The following MOB3B variants were observed in gnomAD, a reference collection of about 807,000 sequenced individuals.
The protein encoded by MOB3B is MOB kinase activator-like 2B.
Under a neutral mutation model 18.7 loss-of-function variants are expected in MOB3B, and 7 were observed. The observed-to-expected ratio is 0.37, with a 90% confidence interval of 0.21 to 0.70. The LOEUF (loss-of-function observed/expected upper bound fraction) is 0.70. MOB3B is among the 30% of genes least tolerant of loss of function. The pLI, the probability that MOB3B is intolerant of heterozygous loss-of-function variation, is 0.52. For missense variants in MOB3B, 253 were observed against 281.3 expected (o/e 0.90, Z 0.72); for synonymous variants, 111 against 99.9 (o/e 1.11, Z -0.66).
At chr9:27,459,570 G>T (rs1234257617) in intron 1 of MOB3B, among the ~76,000 whole-genome samples, 2 of 152,096 alleles carry the variant, frequency 1.3e-5, no homozygotes, top group African/African-American at 4.8e-5. Flanking sequence ...TTATTGTTTT[G>T]TCAACAGATT....
At chr9:27,400,914 A>G (rs1821868548) in intron 2 of MOB3B, among the ~76,000 whole-genome samples, 2 of 152,244 alleles carry the variant, frequency 1.3e-5, no homozygotes, top group Non-Finnish European at 2.9e-5. Context: ...TCTGAGACCC[A>G]TAAGTAGGAC....
At chr9:27,374,348 C>T (rs1296636100) in intron 2 of MOB3B, among the ~76,000 whole-genome samples, 1 of 151,956 alleles carries the variant, frequency 6.6e-6, no homozygotes, top group East Asian at 1.9e-4. Context: ...AATAATATAC[C>T]CTCTACCCCT....
chr9:27,342,702 G>A (rs540774959), intron 3 of MOB3B, among the ~76,000 whole-genome samples: 21 of 152,270 alleles, frequency 1.4e-4, no homozygotes, highest in East Asian at 7.8e-4. Flanking sequence ...TCCTGACCAC[G>A]AGTGATCTGC....
At chr9:27,447,246 C>A (rs1425297818) in intron 2 of MOB3B, among the ~76,000 whole-genome samples, 1 of 152,154 alleles carries the variant, frequency 6.6e-6, no homozygotes, top group Non-Finnish European at 1.5e-5. Context: ...AAGAAGCCCT[C>A]TGGTGTCAGG....
intron 1 of MOB3B, among the ~76,000 whole-genome samples, chr9:27,487,243 T>C (rs942532265): frequency 6.6e-6 from 1 of 152,192 alleles, no homozygotes; most frequent in East Asian, 1.9e-4. Context: ...GATATTTGCA[T>C]AGCAAACAGC....
chr9:27,464,584 C>T (rs2131460336), intron 1 of MOB3B, among the ~76,000 whole-genome samples: 1 of 152,318 alleles, frequency 6.6e-6, no homozygotes, highest in South Asian at 2.1e-4. Context: ...CAGTTACAAC[C>T]TCTGTATTCT....
At chr9:27,332,090 T>C (rs1004959068) in intron 3 of MOB3B, among the ~76,000 whole-genome samples, 54 of 152,294 alleles carry the variant, frequency 3.5e-4, no homozygotes, top group African/African-American at 1.3e-3. Flanking sequence ...CCACTCGGGC[T>C]CAAGCTATCC....
At position 27,455,418 on chromosome 9, in the gene MOB3B, T is replaced by G. The variant is rs762983513; in HGVS notation, c.133A>C (p.Lys45Gln). 4.3e-6 allele frequency: 7 copies of G among 1,614,032 alleles called. No homozygotes were observed. In the African/African-American group the frequency reaches 9.3e-5, roughly 22 times the overall value. Residue 45 changes from lysine to glutamine, a missense_variant, in exon 2 of 4, where the codon AAG (lysine) becomes CAG (glutamine). Coordinates refer to ENST00000262244, the MANE Select transcript of MOB3B (RefSeq NM_024761.5). Reference sequence around the variant, plus strand: ...CCACTGGGCAACTGCACAGCCGCCTTCAGGTCCACACCCGAGTTGAGGGAT... The same window carrying G: ...CCACTGGGCAACTGCACAGCCGCCTGCAGGTCCACACCCGAGTTGAGGGAT... ...QASLNSGVDL[K>Q]AAVQLPSGED...
intron 2 of MOB3B, among the ~76,000 whole-genome samples, chr9:27,386,404 C>G (rs1177236677): frequency 1.3e-5 from 2 of 152,184 alleles, no homozygotes; most frequent in African/African-American, 2.4e-5. Context: ...ACCCATTTGA[C>G]AGTCTTGGTC....
At chr9:27,400,237 A>G (rs35240298) in intron 2 of MOB3B, among the ~76,000 whole-genome samples, 4,218 of 152,372 alleles carry the variant, frequency 0.028, 75 homozygotes, top group Middle Eastern at 0.041. Flanking sequence ...ACAGAGAATA[A>G]TAATACTTAC....
chr9:27,441,217 G>A (rs2131433390), intron 2 of MOB3B, among the ~76,000 whole-genome samples: 1 of 152,240 alleles, frequency 6.6e-6, no homozygotes, highest in Middle Eastern at 3.4e-3. Context: ...CATAACTTTT[G>A]CAGTTTGAGA....
At chr9:27,373,554 T>C (rs943260020) in intron 2 of MOB3B, among the ~76,000 whole-genome samples, 1 of 152,190 alleles carries the variant, frequency 6.6e-6, no homozygotes, top group Admixed American at 6.5e-5. Context: ...CCTCACCCTC[T>C]CTATTTTCCC....
intron 2 of MOB3B, among the ~76,000 whole-genome samples, chr9:27,413,864 G>C (rs1440171138): frequency 1.3e-5 from 2 of 152,108 alleles, no homozygotes; most frequent in Non-Finnish European, 2.9e-5. Context: ...GAAGAAAGGG[G>C]ACCTCTAATA....
chr9:27,369,584 CA>C (rs1278729049), intron 2 of MOB3B, among the ~76,000 whole-genome samples: 3 of 152,202 alleles, frequency 2.0e-5, no homozygotes, highest in Non-Finnish European at 4.4e-5. Context: ...AAGGTGAAAT[CA>C]AAGCTATTTA....
At chr9:27,339,115 T>G (rs561639678) in intron 3 of MOB3B, among the ~76,000 whole-genome samples, 1 of 152,314 alleles carries the variant, frequency 6.6e-6, no homozygotes, top group African/African-American at 2.4e-5. Flanking sequence ...CTCAGGGGAC[T>G]TCGTTCTTGC....
At chr9:27,408,423 C>T (rs913872268) in intron 2 of MOB3B, among the ~76,000 whole-genome samples, 8 of 152,142 alleles carry the variant, frequency 5.3e-5, no homozygotes, top group Non-Finnish European at 1.2e-4. Context: ...AGATGGGGCA[C>T]GTATTTTCTA....
At chr9:27,509,725 G>GT (rs892345703) in intron 1 of MOB3B, among the ~76,000 whole-genome samples, 2 of 150,714 alleles carry the variant, frequency 1.3e-5, no homozygotes, top group African/African-American at 4.9e-5. Context: ...CCTGTTTTTT[G>GT]TTTTTTTGGA....
intron 3 of MOB3B, among the ~76,000 whole-genome samples, chr9:27,341,706 G>A (rs1820944446): frequency 6.6e-6 from 1 of 152,166 alleles, no homozygotes; most frequent in African/African-American, 2.4e-5. Flanking sequence ...CTCTGTCACT[G>A]ACTCTCAGGT....
chr9:27,372,059 A>T (rs1243865784), intron 2 of MOB3B, among the ~76,000 whole-genome samples: 1 of 152,242 alleles, frequency 6.6e-6, no homozygotes, highest in Non-Finnish European at 1.5e-5. Flanking sequence ...CACATGAAAC[A>T]CATGGATCTT....
Sources: allele counts gnomAD v4.1 joint callset (sites outside exome capture counted in the v4.1 genomes callset), GRCh38; gene constraint gnomAD v4.1.1; transcripts MANE v1.5; gene names NCBI Gene and HGNC (gene_info 2026-07-23, HGNC 2026-07-21).